FAM117B: variants seen among roughly 807,000 people sequenced by gnomAD.
FAM117B encodes family with sequence similarity 117 member B, also known as protein FAM117B.
Under a neutral mutation model 52.8 loss-of-function variants are expected in FAM117B, and 22 were observed. That is an observed-to-expected ratio of 0.42 (90% CI 0.30 to 0.59). The LOEUF is 0.59. FAM117B is among the 20% of genes least tolerant of loss of function. FAM117B has a pLI of 0.22. For synonymous variants in FAM117B, 309 were observed against 324.1 expected, an observed-to-expected ratio of 0.95 and a Z score of 0.50; for missense variants, 678 against 802.6, an observed-to-expected ratio of 0.84 and a Z score of 1.88.
At position 202,703,170 on chromosome 2, in the gene FAM117B, T is replaced by C. The variant is rs533709658; in HGVS notation, c.753+7138T>C. On this transcript the variant is annotated intron_variant, in intron 2 of 7. Transcript: ENST00000392238. Reference sequence around the variant, plus strand: ...AAAGAAACCCTGTAACTCCCCATCCTCCTTTTTTCCTCACTATTAATACCA... The same window carrying C: ...AAAGAAACCCTGTAACTCCCCATCCCCCTTTTTTCCTCACTATTAATACCA... 7.2e-5 allele frequency among the ~76,000 whole-genome samples: 11 copies of C among 152,312 alleles called. No homozygotes were observed. The South Asian group carries it at 1.7e-3, about 23-fold the overall frequency.
chr2:202,766,770 A>G lies in FAM117B; in HGVS notation c.*1006A>G, dbSNP rs2105803479. The G allele has an allele frequency of 6.6e-6, 1 of 152,252 alleles. No homozygotes were observed. Among genetic ancestry groups the G allele is most frequent in the East Asian group, 1.9e-4 (1 of 5,180 alleles). 9.4% of individuals were successfully genotyped at this position (152,252 alleles called of 1,614,324 possible). A position where few individuals can be genotyped will look rare whatever the true frequency, so the allele number is the denominator to read the frequency against. ...TAATCATCACTGTATCATAGCCCCA[A>G]AGAGATCCTGAAATGGCTGTGCATG... On this transcript the variant is annotated 3_prime_UTR_variant, in exon 8 of 8. Transcript: ENST00000392238.
chr2:202,764,818 C>T (rs1008523399), intron 7 of FAM117B, among the ~76,000 whole-genome samples: 3 of 152,160 alleles, frequency 2.0e-5, no homozygotes, highest in Admixed American at 6.5e-5. Flanking sequence ...AAGGAGTTTT[C>T]ATTTTGATTT....
At chr2:202,686,101 T>C (rs1690534019) in intron 1 of FAM117B, among the ~76,000 whole-genome samples, 3 of 152,194 alleles carry the variant, frequency 2.0e-5, no homozygotes, top group African/African-American at 7.2e-5. Context: ...AGTTAAAAAA[T>C]GGACAATGGA....
intron 1 of FAM117B, among the ~76,000 whole-genome samples, chr2:202,691,123 A>G (rs1473897222): frequency 1.3e-5 from 2 of 152,178 alleles, no homozygotes; most frequent in African/African-American, 4.8e-5. Flanking sequence ...TATCAAAATA[A>G]TAATAATCTG....
intron 1 of FAM117B, among the ~76,000 whole-genome samples, chr2:202,671,047 C>T (rs1690290344): frequency 6.6e-6 from 1 of 152,190 alleles, no homozygotes; most frequent in Non-Finnish European, 1.5e-5. Flanking sequence ...TTGTGATCTT[C>T]AGTTTCATAT....
At chr2:202,667,723 T>A (rs985053865) in intron 1 of FAM117B, among the ~76,000 whole-genome samples, 2 of 152,098 alleles carry the variant, frequency 1.3e-5, no homozygotes, top group Admixed American at 1.3e-4. Context: ...TTAAATTACC[T>A]ATTTCTACTC....
chr2:202,720,399 T>TTG (rs1691131622), intron 2 of FAM117B, among the ~76,000 whole-genome samples: 1 of 138,668 alleles, frequency 7.2e-6, no homozygotes, highest in Admixed American at 7.1e-5. Flanking sequence ...GCTTTACCTG[T>TTG]CGTGTGTGTG....
chr2:202,643,328 T>G (rs1477917414), intron 1 of FAM117B, among the ~76,000 whole-genome samples: 1 of 152,074 alleles, frequency 6.6e-6, no homozygotes, highest in Non-Finnish European at 1.5e-5. Context: ...GCGAGAGGCA[T>G]GGGATCCAGT....
Position 202,635,162 on chromosome 2 carries a change from C to T in FAM117B, c.-26C>T, listed in dbSNP as rs1689655329. 5.5e-5 allele frequency: 69 copies of T among 1,263,304 alleles called. No homozygotes were observed. The highest frequency in any genetic ancestry group is 6.8e-5 in the Non-Finnish European group (68 of 1,003,272). The allele number at this position is 1,263,304 out of a possible 1,614,324, so 78.3% of individuals were successfully genotyped here. A position where few individuals can be genotyped will look rare whatever the true frequency, so the allele number is the denominator to read the frequency against. ...AACAACAACAAAACCCCCCGTCTCG[C>T]CCAGTCACCGGGGAGGGGGGGGACC... On this transcript the variant is annotated 5_prime_UTR_variant, in exon 1 of 8. Transcript: ENST00000392238.
chr2:202,744,736 G>A (rs932393160), intron 4 of FAM117B, among the ~76,000 whole-genome samples: 3 of 152,012 alleles, frequency 2.0e-5, no homozygotes, highest in African/African-American at 4.8e-5. Context: ...CACTTTGGGA[G>A]TACAAGGTGG....
At chr2:202,643,082 T>TGG (rs1008305053) in intron 1 of FAM117B, among the ~76,000 whole-genome samples, 1 of 152,148 alleles carries the variant, frequency 6.6e-6, no homozygotes, top group African/African-American at 2.4e-5. Flanking sequence ...AGAAGCATGT[T>TGG]GGGGGCACAA....
At chr2:202,672,295 C>G (rs545722302) in intron 1 of FAM117B, among the ~76,000 whole-genome samples, 10 of 152,322 alleles carry the variant, frequency 6.6e-5, no homozygotes, top group Admixed American at 5.2e-4. Flanking sequence ...TCACTACAAC[C>G]TTCACCTCCT....
Position 202,726,382 on chromosome 2 carries a change from C to G in FAM117B, c.960+19C>G. On this transcript the variant is annotated intron_variant, in intron 4 of 7. Coordinates refer to ENST00000392238, the MANE Select transcript of FAM117B (RefSeq NM_173511.4). The stretch of plus-strand genomic sequence containing the variant: ...GTGTCAGGTAAGAGTACCAATACCA[C>G]AAAATCCAGAAAAGGAATTTGTTGT... The G allele has an allele frequency of 6.5e-7, 1 of 1,534,132 alleles. No homozygotes were observed. Among genetic ancestry groups the G allele is most frequent in the Non-Finnish European group, 8.9e-7 (1 of 1,122,278 alleles).
At chr2:202,669,357 T>A (rs552805349) in intron 1 of FAM117B, among the ~76,000 whole-genome samples, 1 of 152,330 alleles carries the variant, frequency 6.6e-6, no homozygotes, top group East Asian at 1.9e-4. Context: ...TGGGTGGGGC[T>A]ACTTATTTAT....
rs1692008537 is a variant in FAM117B, at chr2:202,767,965, CTTCT to C, written c.*2204_*2207del. 2 of 152,122 alleles carry C rather than the reference CTTCT, an allele frequency of 1.3e-5. No individual in the cohort carries two copies. The highest frequency in any genetic ancestry group is 4.8e-5 in the African/African-American group (2 of 41,430). The allele number at this position is 152,122 out of a possible 1,614,324, so 9.4% of individuals were successfully genotyped here. On this transcript the variant is annotated 3_prime_UTR_variant, in exon 8 of 8. Coordinates refer to ENST00000392238, the MANE Select transcript of FAM117B (RefSeq NM_173511.4). ...CTCACTGAGAGCCTTGATATTTTGC[CTTCT>C]TTGTTATGCATTATAACTTGACTGT...
At chr2:202,741,854 G>T (rs182714105) in intron 4 of FAM117B, among the ~76,000 whole-genome samples, 1 of 152,054 alleles carries the variant, frequency 6.6e-6, no homozygotes, top group East Asian at 1.9e-4. Flanking sequence ...TTGTATGACT[G>T]CAGTCCATAG....
chr2:202,747,461 G>A (rs1314659674), intron 4 of FAM117B, among the ~76,000 whole-genome samples: 3 of 151,880 alleles, frequency 2.0e-5, no homozygotes, highest in Non-Finnish European at 4.4e-5. Flanking sequence ...CATCCAAACT[G>A]GAAGACAGAA....
intron 1 of FAM117B, among the ~76,000 whole-genome samples, chr2:202,654,546 T>G (rs1690024340): frequency 6.6e-6 from 1 of 152,152 alleles, no homozygotes; most frequent in Non-Finnish European, 1.5e-5. Flanking sequence ...GTAATGATAT[T>G]ATGTTGATTC....
chr2:202,637,780 TTTATA>T (rs754761449), intron 1 of FAM117B, among the ~76,000 whole-genome samples: 69 of 152,300 alleles, frequency 4.5e-4, no homozygotes, highest in Non-Finnish European at 6.8e-4. Flanking sequence ...AGACCATGTC[TTTATA>T]TTATATCAAG....
Sources: allele counts gnomAD v4.1 joint callset (sites outside exome capture counted in the v4.1 genomes callset), GRCh38; gene constraint gnomAD v4.1.1; transcripts MANE v1.5; gene names NCBI Gene and HGNC (gene_info 2026-07-23, HGNC 2026-07-21).